Variants in MBIP observed in about 807,000 individuals in gnomAD.
The protein encoded by MBIP is MAP3K12 binding inhibitory protein 1.
Under a neutral mutation model 45.7 loss-of-function variants are expected in MBIP, and 32 were observed. That is an observed-to-expected ratio of 0.70 (90% CI 0.53 to 0.94). The LOEUF is 0.94. MBIP is among the 40% of genes least tolerant of loss of function. MBIP has a pLI of 0.00. For missense variants in MBIP, 381 were observed against 405.5 expected, an observed-to-expected ratio of 0.94 and a Z score of 0.52; for synonymous variants, 145 against 141.0, an observed-to-expected ratio of 1.03 and a Z score of -0.20.
intron 7 of MBIP, chr14:36,305,134 C>T (rs1317318309): frequency 6.6e-6 from 1 of 152,156 alleles, no homozygotes; most frequent in Non-Finnish European, 1.5e-5. Context: ...GAATAATGTA[C>T]TATGTCCTCT....
intron 7 of MBIP, chr14:36,304,994 T>G (rs1019170766): frequency 7.2e-5 from 11 of 152,150 alleles, no homozygotes; most frequent in African/African-American, 2.7e-4. Context: ...GGGCTCAACT[T>G]TCCTTTCCTA....
chr14:36,305,361 T>C (rs1023196977), intron 7 of MBIP: 1 of 152,204 alleles, frequency 6.6e-6, no homozygotes, highest in African/African-American at 2.4e-5. Context: ...TTCTTCCTTG[T>C]AGCTCACTAC....
chr14:36,320,579 C>A lies in MBIP; in HGVS notation c.10G>T (p.Ala4Ser). The change falls in exon 1 of 9, where the codon GCC (alanine) becomes TCC (serine). Residue 4 changes from alanine to serine, a missense_variant. Physicochemically the swap from Ala to Ser is moderately conservative, Grantham distance 99. Coordinates refer to ENST00000416007, the MANE Select transcript of MBIP (RefSeq NM_016586.3). MAA[A>S]TELNRPSSGD... ...CTGCTCGGGCGATTAAGCTCCGTGG[C>A]AGCAGCCATGATATCTTCTCAGGCC... 1 of 1,608,760 alleles carries A rather than the reference C, an allele frequency of 6.2e-7. No homozygotes were observed. The highest frequency in any genetic ancestry group is 1.7e-5 in the Admixed American group (1 of 59,670).
intron 2 of MBIP, among the ~76,000 whole-genome samples, chr14:36,316,184 T>A (rs1489693233): frequency 6.6e-6 from 1 of 152,198 alleles, no homozygotes; most frequent in African/African-American, 2.4e-5. Flanking sequence ...GATAAAATAG[T>A]GACTGGCTAC....
chr14:36,299,307 T>A (rs1161556124), intron 8 of MBIP, 117 bp from the exon 9 acceptor site: 1 of 682,562 alleles, frequency 1.5e-6, no homozygotes, highest in Admixed American at 2.7e-5. Context: ...AAATGGTTTT[T>A]TTCCCTCATG....
chr14:36,307,205 C>T (rs1301736222), intron 7 of MBIP, among the ~76,000 whole-genome samples: 1 of 152,146 alleles, frequency 6.6e-6, no homozygotes, highest in African/African-American at 2.4e-5. Flanking sequence ...TCTGGAAATA[C>T]TTCTTTTCTG....
chr14:36,299,671 A>G (rs1331429387), intron 8 of MBIP, among the ~76,000 whole-genome samples: 1 of 152,156 alleles, frequency 6.6e-6, no homozygotes, highest in Non-Finnish European at 1.5e-5. Context: ...AAGAAGAAAA[A>G]TGCTAATTAT....
intron 1 of MBIP, among the ~76,000 whole-genome samples, chr14:36,317,662 G>A (rs746367539): frequency 7.9e-5 from 12 of 151,986 alleles, no homozygotes; most frequent in Non-Finnish European, 1.2e-4. Context: ...CAATGAGAGC[G>A]CCCATCTGCA....
At position 36,316,723 on chromosome 14, in the gene MBIP, A is replaced by G. The variant is rs191218755; in HGVS notation, c.219T>C (p.Ser73=). Residue 73 remains serine, a synonymous_variant, in exon 2 of 9, where the codon AGT becomes AGC. Coordinates refer to ENST00000416007, the MANE Select transcript of MBIP (RefSeq NM_016586.3). The part of the protein sequence containing the change: ...LSAFQPALLF[S]ALEQHILYLQ... ...AATATAAAATGTGTTGTTCAAGTGC[A>G]CTAAAGAGCAATGCAGGCTGGAATG... 6.2e-7 allele frequency: 1 copy of G among 1,611,242 alleles called. No individual in the cohort carries two copies. The highest frequency in any genetic ancestry group is 1.7e-5 in the Admixed American group (1 of 59,482).
intron 2 of MBIP, among the ~76,000 whole-genome samples, chr14:36,315,769 AG>A (rs1243917832): frequency 1.3e-5 from 2 of 152,134 alleles, no homozygotes; most frequent in African/African-American, 2.4e-5. Context: ...TTTCCCACAA[AG>A]TCAATGAATG....
intron 4 of MBIP, chr14:36,314,217 A>G (rs775704084): frequency 3.6e-5 from 10 of 279,636 alleles, no homozygotes; most frequent in Non-Finnish European, 6.0e-5. Context: ...GAGATAGATC[A>G]ACCTTCTCAC....
At chr14:36,312,047 T>G in intron 4 of MBIP, 23 bp from the exon 5 acceptor site, 2 of 1,357,386 alleles carry the variant, frequency 1.5e-6, no homozygotes, top group Non-Finnish European at 2.0e-6. Context: ...TAGATAAATA[T>G]AAGTTTAAAT....
rs1312931938 is a variant in MBIP, at chr14:36,314,934, C to T, written c.250-19G>A. On this transcript the variant is annotated intron_variant, in intron 2 of 8. Transcript: ENST00000416007. ...AAAAAGGCTGAGAACAACACAATTC[C>T]ATCTGCTGAGGTTCAATCTGACCAA... The T allele has an allele frequency of 2.0e-6, 3 of 1,523,924 alleles. No individual in the cohort carries two copies. Among genetic ancestry groups the T allele is most frequent in the Admixed American group, 1.7e-5 (1 of 59,552 alleles). 94.4% of individuals were successfully genotyped at this position (1,523,924 alleles called of 1,614,324 possible).
chr14:36,315,785 G>A (rs1006322366), intron 2 of MBIP, among the ~76,000 whole-genome samples: 1 of 152,024 alleles, frequency 6.6e-6, no homozygotes, highest in Admixed American at 6.6e-5. Flanking sequence ...TGAATGGAGG[G>A]CTGAAAATTA....
At chr14:36,307,548 C>T (rs1457351022) in intron 7 of MBIP, among the ~76,000 whole-genome samples, 1 of 152,150 alleles carries the variant, frequency 6.6e-6, no homozygotes, top group East Asian at 1.9e-4. Context: ...AACACTGTTT[C>T]TTAAGGTTCT....
chr14:36,307,357 T>C (rs1879945152), intron 7 of MBIP, among the ~76,000 whole-genome samples: 1 of 152,180 alleles, frequency 6.6e-6, no homozygotes, highest in Non-Finnish European at 1.5e-5. Context: ...ATAGGAGTTT[T>C]GGTATAATCT....
intron 4 of MBIP, among the ~76,000 whole-genome samples, chr14:36,312,742 C>T (rs1880280954): frequency 6.6e-6 from 1 of 151,910 alleles, no homozygotes; most frequent in African/African-American, 2.4e-5. Context: ...AAGATGTTAA[C>T]ATATAATACA....
chr14:36,304,414 T>C (rs1056122088), intron 7 of MBIP, among the ~76,000 whole-genome samples: 1 of 152,202 alleles, frequency 6.6e-6, no homozygotes, highest in East Asian at 1.9e-4. Context: ...GTGAAAAACA[T>C]GTATAAACAT....
At chr14:36,320,356 A>T in intron 1 of MBIP, 104 bp downstream of exon 1, 1 of 1,541,528 alleles carries the variant, frequency 6.5e-7, no homozygotes, top group Non-Finnish European at 8.8e-7. Flanking sequence ...ACCGCATCCC[A>T]CACCTCTGCA....
Sources: gnomAD v4.1 joint callset for allele counts (sites outside exome capture counted in the v4.1 genomes callset) on GRCh38, gnomAD v4.1.1 for gene constraint, MANE v1.5 for transcripts, NCBI Gene and HGNC (gene_info 2026-07-23, HGNC 2026-07-21) for gene names.